The following ARHGAP42 variants were observed in gnomAD, a reference collection of about 807,000 sequenced individuals.
The protein encoded by ARHGAP42 is Rho GTPase activating protein 42.
ARHGAP42 carries 63 observed loss-of-function variants against 125.0 expected under a neutral mutation model. The ratio of observed to expected loss-of-function variants is 0.50; its 90% CI spans 0.41 to 0.62. The LOEUF is 0.62. ARHGAP42 is among the 20% of genes least tolerant of loss of function. The pLI is 0.00. For synonymous variants in ARHGAP42, 339 were observed against 351.0 expected, an observed-to-expected ratio of 0.97 and a Z score of 0.38; for missense variants, 766 against 1,024.2, an observed-to-expected ratio of 0.75 and a Z score of 3.44.
Position 100,948,505 on chromosome 11 carries a change from C to A in ARHGAP42, c.1092C>A (p.Leu364=), listed in dbSNP as rs1208775473. 1.3e-6 allele frequency: 2 copies of A among 1,550,198 alleles called. No individual in the cohort carries two copies. The highest frequency in any genetic ancestry group is 8.7e-7 in the Non-Finnish European group (1 of 1,145,958). Residue 364 remains leucine (L), a synonymous_variant, in exon 11 of 24, where the codon CTC becomes CTA. Transcript: ENST00000298815. ...CCTTCTCAGAAGCTAATAGGAAACT[C>A]TGGCTTGAAGCCATGGATGGGAAGG... ...LQAFSEANRK[L]WLEAMDGKEP...
chr11:100,880,168 A>C (rs544345438), intron 4 of ARHGAP42, among the ~76,000 whole-genome samples: 1 of 152,200 alleles, frequency 6.6e-6, no homozygotes, highest in Non-Finnish European at 1.5e-5. Context: ...TAAGTTCTTT[A>C]GTGGTGATTG....
chr11:100,913,665 A>T (rs979358696), intron 5 of ARHGAP42, 112 bp downstream of exon 5: 11 of 414,010 alleles, frequency 2.7e-5, no homozygotes, highest in African/African-American at 4.3e-5. Flanking sequence ...TAATTATGAT[A>T]GCAATGGCTA....
intron 7 of ARHGAP42, among the ~76,000 whole-genome samples, chr11:100,935,297 A>G (rs560357121): frequency 5.3e-5 from 8 of 152,262 alleles, no homozygotes; most frequent in Admixed American, 1.3e-4. Context: ...TGAGTAATCT[A>G]TTTCTTGCAA....
At chr11:100,917,610 T>TCCA (rs2135238197) in intron 5 of ARHGAP42, among the ~76,000 whole-genome samples, 1 of 152,308 alleles carries the variant, frequency 6.6e-6, no homozygotes, top group South Asian at 2.1e-4. Context: ...CTCACTCTGT[T>TCCA]GCCCAGGCTG....
At chr11:100,859,829 A>G (rs1029610347) in intron 4 of ARHGAP42, 1 of 375,256 alleles carries the variant, frequency 2.7e-6, no homozygotes, top group African/African-American at 2.1e-5. Flanking sequence ...GATAAGAAGC[A>G]TGTTATAAAT....
At chr11:100,873,038 G>C (rs539798612) in intron 4 of ARHGAP42, among the ~76,000 whole-genome samples, 6 of 152,298 alleles carry the variant, frequency 3.9e-5, no homozygotes, top group African/African-American at 1.4e-4. Context: ...TGGCTAACCA[G>C]GGGAGGCTGA....
chr11:100,771,815 T>A (rs1862987482), intron 2 of ARHGAP42, among the ~76,000 whole-genome samples: 1 of 151,956 alleles, frequency 6.6e-6, no homozygotes, highest in East Asian at 1.9e-4. Flanking sequence ...GTTGGCCAGG[T>A]GGTCTTGAAC....
At chr11:100,761,931 G>A (rs2134974047) in intron 1 of ARHGAP42, among the ~76,000 whole-genome samples, 1 of 152,314 alleles carries the variant, frequency 6.6e-6, no homozygotes, top group Admixed American at 6.5e-5. Flanking sequence ...CACATGAGGA[G>A]CTTACGATTC....
chr11:100,758,569 G>A (rs769954301), intron 1 of ARHGAP42, among the ~76,000 whole-genome samples: 18 of 152,094 alleles, frequency 1.2e-4, no homozygotes, highest in Non-Finnish European at 2.2e-4. Context: ...TATCTTTTTA[G>A]GTCCAGAGAA....
intron 4 of ARHGAP42, among the ~76,000 whole-genome samples, chr11:100,893,981 T>A (rs1591274135): frequency 6.6e-6 from 1 of 152,204 alleles, no homozygotes; most frequent in East Asian, 1.9e-4. Context: ...TGCCTGAGAA[T>A]CAATCTCACA....
At chr11:100,864,159 A>G (rs1865512768) in intron 4 of ARHGAP42, among the ~76,000 whole-genome samples, 1 of 151,918 alleles carries the variant, frequency 6.6e-6, no homozygotes, top group African/African-American at 2.4e-5. Flanking sequence ...GCTGACTCTG[A>G]AGTATAGATA....
intron 1 of ARHGAP42, among the ~76,000 whole-genome samples, chr11:100,769,171 T>G (rs1489598992): frequency 6.6e-6 from 1 of 152,214 alleles, no homozygotes; most frequent in South Asian, 2.1e-4. Flanking sequence ...TTTAAAAAGA[T>G]GCACCTGTGT....
chr11:100,895,860 CT>C (rs879360733), intron 4 of ARHGAP42, among the ~76,000 whole-genome samples: 32 of 152,066 alleles, frequency 2.1e-4, no homozygotes, highest in Non-Finnish European at 4.3e-4. Flanking sequence ...TTTTATTATA[CT>C]TCAAGTTCTA....
rs561875643 is a variant in ARHGAP42 at position 100,938,823 on chromosome 11, A to G, written c.832+2491A>G. Among the ~76,000 whole-genome samples the G allele has an allele frequency of 6.6e-5, 10 of 152,330 alleles. 1 individual carries two copies. Among genetic ancestry groups the G allele is most frequent in the African/African-American group, 2.2e-4 (9 of 41,570 alleles). ...TTTGAAAGCGTTTACAATTAAAACAATCTAACCAGTTTACTAAGATGTATC... is the reference window on the plus strand; with the variant it reads ...TTTGAAAGCGTTTACAATTAAAACAGTCTAACCAGTTTACTAAGATGTATC... On this transcript the variant is annotated intron_variant, in intron 8 of 23. Transcript: ENST00000298815.
rs683956 is a variant in ARHGAP42 at position 100,841,303 on chromosome 11, G to A, written c.313-18251G>A. On this transcript the variant is annotated intron_variant, in intron 3 of 23. Coordinates refer to ENST00000298815, the MANE Select transcript of ARHGAP42 (RefSeq NM_152432.4). ...AGTTATTGACAGTTAATACCAAAGG[G>A]GTTTTTCCAGATTTTTTTTTTTGCT... 8.4e-3 allele frequency among the ~76,000 whole-genome samples: 1,282 copies of A among 152,066 alleles called. 17 individuals carry two copies. Among genetic ancestry groups the A allele is most frequent in the African/African-American group, 0.029 (1,205 of 41,476 alleles).
At chr11:100,787,904 A>T (rs1863473686) in intron 2 of ARHGAP42, among the ~76,000 whole-genome samples, 1 of 152,222 alleles carries the variant, frequency 6.6e-6, no homozygotes, top group Non-Finnish European at 1.5e-5. Flanking sequence ...TTGGTGTTTG[A>T]TTGCTGGAAG....
At position 100,933,203 on chromosome 11, in the gene ARHGAP42, T is replaced by C. The variant is rs573250547; in HGVS notation, c.645T>C (p.Tyr215=). ...TATTTACTTTTTACCATGAGGGATATGAACTTGCCCAGGAATTTGCACCGT... is the reference window on the plus strand; with the variant it reads ...TATTTACTTTTTACCATGAGGGATACGAACTTGCCCAGGAATTTGCACCGT... The part of the protein sequence containing the change: ...QGLFTFYHEG[Y]ELAQEFAPYK... The change falls in exon 7 of 24, where the codon TAT becomes TAC. Residue 215 remains tyrosine, a synonymous_variant. Transcript: ENST00000298815. 6 of 1,550,764 alleles carry C rather than the reference T, an allele frequency of 3.9e-6. No homozygotes were observed. Among genetic ancestry groups the C allele is most frequent in the Non-Finnish European group, 5.2e-6 (6 of 1,146,816 alleles).
intron 3 of ARHGAP42, among the ~76,000 whole-genome samples, chr11:100,838,927 C>T (rs1361523143): frequency 6.6e-6 from 1 of 152,028 alleles, no homozygotes; most frequent in East Asian, 1.9e-4. Context: ...GCACTAACTT[C>T]CACCATTGAA....
chr11:100,974,594 G>A lies in ARHGAP42; in HGVS notation c.1846G>A (p.Glu616Lys), dbSNP rs1250248101. Reference protein sequence around the residue: ...PRGRYTPCLAEPDSDSYSSSP... With the variant: ...PRGRYTPCLAKPDSDSYSSSP... ...AGGGAGGTATACTCCATGCCTGGCCGAACCTGATAGTAAGTGCACCCGGCC... is the reference window on the plus strand; with the variant it reads ...AGGGAGGTATACTCCATGCCTGGCCAAACCTGATAGTAAGTGCACCCGGCC... Residue 616 changes from glutamate to lysine, a missense_variant, in exon 19 of 24, where the codon GAA (glutamate) becomes AAA (lysine). This residue lies in a region of ARHGAP42 where 308 missense variants were observed against 369.7 expected (regional missense o/e 0.83). Transcript: ENST00000298815. The A allele has an allele frequency of 3.9e-6, 6 of 1,549,308 alleles. No homozygotes were observed. The highest frequency in any genetic ancestry group is 1.4e-5 in the African/African-American group (1 of 72,918).
Sources: gnomAD v4.1 joint callset for allele counts (sites outside exome capture counted in the v4.1 genomes callset) on GRCh38, gnomAD v4.1.1 for gene constraint, gnomAD v4.1.1 regional missense constraint, MANE v1.5 for transcripts, NCBI Gene and HGNC (gene_info 2026-07-23, HGNC 2026-07-21) for gene names.